CFAP61: variants seen among roughly 807,000 people sequenced by gnomAD.
CFAP61 encodes cilia- and flagella-associated protein 61.
In CFAP61, 107 loss-of-function variants were observed where a neutral mutation model predicts 135.6. The ratio of observed to expected loss-of-function variants is 0.79; its 90% confidence interval spans 0.67 to 0.93. CFAP61 has a LOEUF of 0.93. Ranked by LOEUF, CFAP61 falls within the 40% of genes least tolerant of loss-of-function variation. CFAP61 has a pLI of 0.00. For missense variants in CFAP61, 1,507 were observed against 1,556.2 expected (o/e 0.97, Z 0.53); for synonymous variants, 575 against 578.5 (o/e 0.99, Z 0.09).
At chr20:20,173,307 G>A (rs1372589016) in intron 13 of CFAP61, among the ~76,000 whole-genome samples, 1 of 152,220 alleles carries the variant, frequency 6.6e-6, no homozygotes, top group Non-Finnish European at 1.5e-5. Flanking sequence ...GAGTGCAATT[G>A]CTGGATCCTA....
intron 4 of CFAP61, among the ~76,000 whole-genome samples, 175 bp downstream of exon 4, chr20:20,074,553 G>C (rs2045930868): frequency 6.6e-6 from 1 of 152,150 alleles, no homozygotes; most frequent in Admixed American, 6.5e-5. Flanking sequence ...ATAGTTCTTT[G>C]AATCTATTGT....
chr20:20,240,968 G>A (rs1397293599), intron 18 of CFAP61, among the ~76,000 whole-genome samples: 1 of 152,214 alleles, frequency 6.6e-6, no homozygotes, highest in Non-Finnish European at 1.5e-5. Flanking sequence ...ACATGGAGAA[G>A]CAGAGAAGCA....
At chr20:20,152,113 A>G (rs896607270) in intron 9 of CFAP61, among the ~76,000 whole-genome samples, 1 of 152,120 alleles carries the variant, frequency 6.6e-6, no homozygotes, top group Non-Finnish European at 1.5e-5. Flanking sequence ...ATCCAGCAAA[A>G]CTAGCTTCAT....
intron 25 of CFAP61, among the ~76,000 whole-genome samples, chr20:20,337,510 A>ATGGG (rs1569310954): frequency 2.8e-3 from 12 of 4,312 alleles, no homozygotes; most frequent in South Asian, 0.014. Context: ...GGATGGATAA[A>ATGGG]TGGATGGATG....
At chr20:20,294,131 C>G (rs868204764) in intron 24 of CFAP61, among the ~76,000 whole-genome samples, 1 of 152,194 alleles carries the variant, frequency 6.6e-6, no homozygotes, top group African/African-American at 2.4e-5. Context: ...CAGATATACC[C>G]TACCAAACCG....
At chr20:20,149,398 A>G (rs2052205540) in intron 9 of CFAP61, among the ~76,000 whole-genome samples, 1 of 152,222 alleles carries the variant, frequency 6.6e-6, no homozygotes, top group Non-Finnish European at 1.5e-5. Context: ...CAGCATGTGG[A>G]GATTCACACC....
intron 25 of CFAP61, among the ~76,000 whole-genome samples, chr20:20,313,003 G>T (rs184068942): frequency 6.6e-6 from 1 of 152,110 alleles, no homozygotes. Context: ...ATAGCCTTGC[G>T]TATAGCCCCA....
At chr20:20,282,163 G>A (rs2147051652) in intron 22 of CFAP61, among the ~76,000 whole-genome samples, 1 of 152,140 alleles carries the variant, frequency 6.6e-6, no homozygotes, top group South Asian at 2.1e-4. Context: ...CTCTCTGTTT[G>A]CTGCCAGTCT....
intron 2 of CFAP61, among the ~76,000 whole-genome samples, chr20:20,067,686 TA>T (rs1206313546): frequency 2.2e-5 from 3 of 139,350 alleles, no homozygotes; most frequent in African/African-American, 7.8e-5. Flanking sequence ...ATATTATATA[TA>T]ATTTTTTTAT....
At chr20:20,275,670 A>G (rs1276708087) in intron 21 of CFAP61, among the ~76,000 whole-genome samples, 1 of 152,162 alleles carries the variant, frequency 6.6e-6, no homozygotes, top group Non-Finnish European at 1.5e-5. Flanking sequence ...GCTGTGTGAG[A>G]CCTAAACACA....
Position 20,359,069 on chromosome 20 carries a change from G to T in CFAP61, c.3514-1141G>T, listed in dbSNP as rs2059378894. 6.6e-6 allele frequency among the ~76,000 whole-genome samples: 1 copy of T among 152,182 alleles called. No homozygotes were observed. The stretch of plus-strand genomic sequence containing the variant: ...TGTTAACTGTGGAGTCCAGGTGCAG[G>T]TGTGCAGGTGTTCAGTGGACAATTC... On this transcript the variant is annotated intron_variant, in intron 26 of 26. Coordinates refer to ENST00000245957, the MANE Select transcript of CFAP61 (RefSeq NM_015585.4). This position sits in a 1 kb window ranked among gnomAD's most constrained non-coding sequence, Gnocchi z 4.0.
intron 25 of CFAP61, among the ~76,000 whole-genome samples, chr20:20,304,959 G>A (rs1029573104): frequency 1.3e-5 from 2 of 152,156 alleles, no homozygotes; most frequent in African/African-American, 2.4e-5. Flanking sequence ...TTAGCAGTCT[G>A]TGCATCCTTT....
intron 21 of CFAP61, among the ~76,000 whole-genome samples, chr20:20,272,926 G>A (rs533602431): frequency 2.0e-5 from 3 of 152,018 alleles, no homozygotes; most frequent in Admixed American, 6.5e-5. Flanking sequence ...GTCATCCAAC[G>A]TCACGTTTAC....
intron 4 of CFAP61, 145 bp from the exon 5 acceptor site, chr20:20,075,044 C>T: frequency 2.8e-6 from 2 of 726,710 alleles, no homozygotes; most frequent in Non-Finnish European, 4.9e-6. Flanking sequence ...TGAGGCTGTT[C>T]TTGCCATTGC....
chr20:20,108,789 G>A (rs906495789), intron 8 of CFAP61, among the ~76,000 whole-genome samples: 5 of 152,186 alleles, frequency 3.3e-5, no homozygotes, highest in African/African-American at 4.8e-5. Flanking sequence ...GAGCACCTTG[G>A]AATACTTTTG....
intron 8 of CFAP61, among the ~76,000 whole-genome samples, chr20:20,128,974 C>G (rs1317947169): frequency 6.6e-6 from 1 of 151,492 alleles, no homozygotes; most frequent in African/African-American, 2.4e-5. Flanking sequence ...CTATCTATCT[C>G]TTAACAAGTT....
At chr20:20,295,647 T>A (rs1364740078) in intron 24 of CFAP61, among the ~76,000 whole-genome samples, 6 of 152,198 alleles carry the variant, frequency 3.9e-5, no homozygotes. Context: ...TTCTTCACTG[T>A]GTATATATCT....
chr20:20,339,555 G>A (rs1030594869), intron 25 of CFAP61, among the ~76,000 whole-genome samples: 9 of 152,174 alleles, frequency 5.9e-5, no homozygotes, highest in East Asian at 1.9e-4. Flanking sequence ...CTGCAGCCTC[G>A]AACTCCTGGG....
chr20:20,353,729 T>G (rs1381352661), intron 26 of CFAP61, among the ~76,000 whole-genome samples: 1 of 152,144 alleles, frequency 6.6e-6, no homozygotes, highest in Non-Finnish European at 1.5e-5. Flanking sequence ...AAGATATATT[T>G]AAAAAAGGAT....
Sources: allele counts gnomAD v4.1 joint callset (sites outside exome capture counted in the v4.1 genomes callset), GRCh38; gene constraint gnomAD v4.1.1; non-coding constraint Gnocchi (gnomAD v3.1); transcripts MANE v1.5; gene names NCBI Gene and HGNC (gene_info 2026-07-23, HGNC 2026-07-21).